The following FTCDNL1 variants were observed in gnomAD, a reference collection of about 807,000 sequenced individuals.
The protein encoded by FTCDNL1 is formiminotransferase N-terminal subdomain-containing protein.
A neutral mutation model predicts 5.9 loss-of-function variants in FTCDNL1; 11 were observed. The ratio of observed to expected loss-of-function variants is 1.87; its 90% CI spans 1.18 to 3.10. The LOEUF is 3.10. Ranked by LOEUF, FTCDNL1 falls within the 30% of genes most tolerant of loss-of-function variation. The pLI is 0.00. For synonymous variants in FTCDNL1, 58 were observed against 24.8 expected, an observed-to-expected ratio of 2.34 and a Z score of -3.99; for missense variants, 115 against 65.5, an observed-to-expected ratio of 1.76 and a Z score of -2.61.
At chr2:199,706,545 C>G in the FTCDNL1 span, among the ~76,000 whole-genome samples, 1 of 152,146 alleles carries the variant, frequency 6.6e-6, no homozygotes, top group African/African-American at 2.4e-5. Flanking sequence ...AATACAAAAA[C>G]CTTCACACTT....
At chr2:199,705,850 T>C in the FTCDNL1 span, among the ~76,000 whole-genome samples, 1 of 152,094 alleles carries the variant, frequency 6.6e-6, no homozygotes, top group South Asian at 2.1e-4. Flanking sequence ...GGCAGTGGAG[T>C]AGCCAGCAGA....
chr2:199,664,340 G>A, the FTCDNL1 span, among the ~76,000 whole-genome samples: 2 of 152,076 alleles, frequency 1.3e-5, no homozygotes, highest in Admixed American at 6.5e-5. Flanking sequence ...TTATCAAAAT[G>A]TTGCTTTGAA....
the FTCDNL1 span, among the ~76,000 whole-genome samples, chr2:199,713,247 G>A: frequency 0.84 from 127,856 of 152,150 alleles, 54,349 homozygotes; most frequent in South Asian, 0.94. Flanking sequence ...TAGTCAAGAT[G>A]GAATAATAGA....
At chr2:199,676,905 T>C in the FTCDNL1 span, among the ~76,000 whole-genome samples, 50 of 152,190 alleles carry the variant, frequency 3.3e-4, no homozygotes, top group Admixed American at 9.8e-4. Flanking sequence ...CTCGACAAAA[T>C]GTCTGCATTG....
At chr2:199,755,711 C>G (rs1020012739), downstream of FTCDNL1, among the ~76,000 whole-genome samples, 1 of 152,100 alleles carries the variant, frequency 6.6e-6, no homozygotes, top group Non-Finnish European at 1.5e-5. Context: ...GTTCAAATCC[C>G]AGCTTTGCCA....
At chr2:199,831,941 T>C (rs1441408026) in intron 3 of FTCDNL1, among the ~76,000 whole-genome samples, 3 of 152,030 alleles carry the variant, frequency 2.0e-5, no homozygotes, top group Admixed American at 2.0e-4. Context: ...CTATCTACTC[T>C]CCTCCCTATA....
At chr2:199,799,562 C>G (rs1427044186) in intron 3 of FTCDNL1, among the ~76,000 whole-genome samples, 1 of 152,196 alleles carries the variant, frequency 6.6e-6, no homozygotes, top group East Asian at 1.9e-4. Flanking sequence ...GTGAAGAGTA[C>G]AAGAGAATTT....
the FTCDNL1 span, among the ~76,000 whole-genome samples, chr2:199,700,585 A>G: frequency 6.6e-6 from 1 of 152,250 alleles, no homozygotes; most frequent in African/African-American, 2.4e-5. Flanking sequence ...CCAAATAGAC[A>G]AAGTGATTCT....
At chr2:199,813,030 T>C (rs1701132785) in intron 4 of FTCDNL1, among the ~76,000 whole-genome samples, 1 of 152,224 alleles carries the variant, frequency 6.6e-6, no homozygotes. Flanking sequence ...TATGCCAGAT[T>C]GTTTAAGCAG....
At chr2:199,821,451 G>A (rs1394316933) in intron 3 of FTCDNL1, among the ~76,000 whole-genome samples, 1 of 141,282 alleles carries the variant, frequency 7.1e-6, no homozygotes, top group African/African-American at 2.7e-5. Flanking sequence ...TAAGCCACGT[G>A]CCCAGCCTGG....
intron 3 of FTCDNL1, among the ~76,000 whole-genome samples, chr2:199,793,845 G>T (rs1052577033): frequency 1.3e-5 from 2 of 152,118 alleles, no homozygotes; most frequent in African/African-American, 4.8e-5. Context: ...TCTTTCCAGA[G>T]CTATTATTTT....
chr2:199,851,095 G>T lies in FTCDNL1; in HGVS notation c.-363C>A, dbSNP rs1489455301. 1 of 144,352 alleles carries T rather than the reference G, an allele frequency of 6.9e-6. No homozygotes were observed. Among genetic ancestry groups the T allele is most frequent in the Admixed American group, 6.9e-5 (1 of 14,408 alleles). 8.9% of individuals were successfully genotyped at this position (144,352 alleles called of 1,614,324 possible). ...ACCTGCGAGCGCCGAAGGGCGGTGG[G>T]GCAGGGCGACCGCCCAGCCCAAGTC... On this transcript the variant is annotated 5_prime_UTR_variant, in exon 1 of 5. Transcript: ENST00000420128.
At chr2:199,750,719 G>A in the FTCDNL1 span, among the ~76,000 whole-genome samples, 109 of 152,302 alleles carry the variant, frequency 7.2e-4, no homozygotes, top group African/African-American at 2.3e-3. Context: ...GCTTTCCACC[G>A]GGCGGACTCT....
At chr2:199,758,712 G>A (rs185395325), downstream of FTCDNL1, among the ~76,000 whole-genome samples, 57 of 152,252 alleles carry the variant, frequency 3.7e-4, no homozygotes, top group Non-Finnish European at 4.0e-4. Context: ...ACTAGCATAC[G>A]CATCCCCTGA....
the FTCDNL1 span, among the ~76,000 whole-genome samples, chr2:199,698,551 A>C: frequency 6.6e-6 from 1 of 152,242 alleles, no homozygotes; most frequent in Non-Finnish European, 1.5e-5. Context: ...AAATTAAGGT[A>C]GAAATCAAGA....
chr2:199,690,253 T>C, the FTCDNL1 span, among the ~76,000 whole-genome samples: 99,821 of 152,126 alleles, frequency 0.66, 36,265 homozygotes, highest in South Asian at 0.9. Flanking sequence ...TTTTATCTTA[T>C]AAAGGAAAGT....
intron 3 of FTCDNL1, among the ~76,000 whole-genome samples, chr2:199,789,671 C>A (rs1699826030): frequency 6.6e-6 from 1 of 152,032 alleles, no homozygotes; most frequent in Non-Finnish European, 1.5e-5. Context: ...AAAATTACTT[C>A]TTTTCATTGG....
At chr2:199,726,875 C>T in the FTCDNL1 span, among the ~76,000 whole-genome samples, 1 of 152,192 alleles carries the variant, frequency 6.6e-6, no homozygotes, top group African/African-American at 2.4e-5. Context: ...GGAGGTCTCA[C>T]CCAGTAAGGA....
At chr2:199,717,334 T>C in the FTCDNL1 span, among the ~76,000 whole-genome samples, 472 of 152,262 alleles carry the variant, frequency 3.1e-3, 6 homozygotes, top group African/African-American at 0.011. Context: ...GTTTACTTTG[T>C]ACATTGGTTC....
Sources: gnomAD v4.1 joint callset for allele counts (sites outside exome capture counted in the v4.1 genomes callset) on GRCh38, gnomAD v4.1.1 for gene constraint, MANE v1.5 for transcripts, NCBI Gene and HGNC (gene_info 2026-07-23, HGNC 2026-07-21) for gene names.